Variants in METTL15 observed in about 807,000 individuals in gnomAD.
METTL15 encodes 12S rRNA N(4)-cytidine methyltransferase METTL15.
METTL15 carries 34 observed loss-of-function variants against 38.3 expected under a neutral mutation model. That is an observed-to-expected ratio of 0.89 (90% CI 0.68 to 1.18). The LOEUF is 1.18. METTL15 is among the 50% of genes most tolerant of loss of function. The probability of loss-of-function intolerance (pLI) is 0.00; values close to 1 mark genes in which losing one functional copy is unlikely to be tolerated. For synonymous variants in METTL15, 162 were observed against 170.9 expected (o/e 0.95, Z 0.41); for missense variants, 438 against 498.4 (o/e 0.88, Z 1.15).
At chr11:28,356,277 T>C (rs1039802648) in intron 4 of METTL15, among the ~76,000 whole-genome samples, 1 of 152,216 alleles carries the variant, frequency 6.6e-6, no homozygotes, top group African/African-American at 2.4e-5. Flanking sequence ...CTCCTCCCAC[T>C]GGATTTCAAG....
intron 6 of METTL15, among the ~76,000 whole-genome samples, chr11:28,424,790 T>C (rs1406358472): frequency 6.6e-6 from 1 of 152,166 alleles, no homozygotes; most frequent in Non-Finnish European, 1.5e-5. Context: ...CAAGACTTTT[T>C]GCATGGCTGG....
At chr11:28,494,455 A>G (rs1231996745) in intron 6 of METTL15, among the ~76,000 whole-genome samples, 1 of 152,054 alleles carries the variant, frequency 6.6e-6, no homozygotes, top group Non-Finnish European at 1.5e-5. Flanking sequence ...CTGGGGTCAT[A>G]TGGCTCAAGT....
intron 4 of METTL15, among the ~76,000 whole-genome samples, chr11:28,283,719 G>A (rs1305320088): frequency 6.6e-6 from 1 of 152,160 alleles, no homozygotes; most frequent in Non-Finnish European, 1.5e-5. Flanking sequence ...CCAAGGTATT[G>A]TTTGCATTCT....
chr11:28,226,769 A>G (rs950146267), intron 4 of METTL15, among the ~76,000 whole-genome samples: 1 of 152,074 alleles, frequency 6.6e-6, no homozygotes, highest in Admixed American at 6.6e-5. Context: ...TTATAAAAGA[A>G]TACATGCTCT....
chr11:28,296,327 A>C (rs570386670), intron 5 of METTL15, among the ~76,000 whole-genome samples: 13 of 152,114 alleles, frequency 8.5e-5, no homozygotes, highest in Non-Finnish European at 1.3e-4. Flanking sequence ...GATTTAGTCA[A>C]GTTCTTGAGT....
At chr11:28,517,735 GC>G (rs1851731241) in intron 6 of METTL15, among the ~76,000 whole-genome samples, 1 of 152,142 alleles carries the variant, frequency 6.6e-6, no homozygotes, top group Admixed American at 6.5e-5. Context: ...GGAATGAAAG[GC>G]GAAACAAAAC....
chr11:28,321,467 C>T (rs1849467628), intron 6 of METTL15, among the ~76,000 whole-genome samples: 1 of 152,066 alleles, frequency 6.6e-6, no homozygotes, highest in Non-Finnish European at 1.5e-5. Flanking sequence ...TATGCATAAA[C>T]ATAGTGCTTG....
rs1470602541 is a variant in METTL15 at position 28,333,094 on chromosome 11, A to C, written c.*2253A>C. ...CTCCCTCAGAGTTCCAGTAGTTGCC[A>C]ACCCTGCTAACATGGTTTTGCACAT... is the stretch of plus-strand genomic sequence containing the variant. On this transcript the variant is annotated 3_prime_UTR_variant, in exon 7 of 7. Coordinates refer to ENST00000407364, the MANE Select transcript of METTL15 (RefSeq NM_001113528.2). 6.6e-6 allele frequency: 1 copy of C among 151,562 alleles called. No individual in the cohort carries two copies. The highest frequency in any genetic ancestry group is 1.9e-4 in the East Asian group (1 of 5,164). The allele number at this position is 151,562 out of a possible 1,614,324, so 9.4% of individuals were successfully genotyped here. A position where few individuals can be genotyped will look rare whatever the true frequency, so the allele number is the denominator to read the frequency against.
intron 4 of METTL15, among the ~76,000 whole-genome samples, chr11:28,253,510 A>G (rs1044478287): frequency 6.6e-6 from 1 of 152,156 alleles, no homozygotes; most frequent in Admixed American, 6.5e-5. Context: ...GTTATTGACT[A>G]TAGTCACCCT....
chr11:28,376,968 A>G (rs1307206424), intron 5 of METTL15, among the ~76,000 whole-genome samples: 1 of 126,468 alleles, frequency 7.9e-6, no homozygotes, highest in Admixed American at 9.0e-5. Flanking sequence ...TCTTTTCTTT[A>G]AGAATGTTGA....
chr11:28,340,929 C>G (rs373310241), intron 3 of METTL15, among the ~76,000 whole-genome samples: 4 of 152,280 alleles, frequency 2.6e-5, no homozygotes, highest in African/African-American at 9.6e-5. Flanking sequence ...CCCAAATGCC[C>G]ATCAATAATA....
At chr11:28,468,411 C>T (rs988830170) in intron 6 of METTL15, among the ~76,000 whole-genome samples, 3 of 152,090 alleles carry the variant, frequency 2.0e-5, no homozygotes, top group Non-Finnish European at 2.9e-5. Flanking sequence ...AGAGAAGCTA[C>T]AAGCATGCAA....
At chr11:28,514,071 A>C (rs371826440) in intron 6 of METTL15, among the ~76,000 whole-genome samples, 55 of 152,328 alleles carry the variant, frequency 3.6e-4, no homozygotes, top group African/African-American at 1.3e-3. Context: ...AATGTGGTAG[A>C]CATTGTAATT....
intron 4 of METTL15, among the ~76,000 whole-genome samples, chr11:28,236,392 C>T (rs923477666): frequency 1.3e-5 from 2 of 152,086 alleles, no homozygotes; most frequent in African/African-American, 4.8e-5. Flanking sequence ...GTACCAGTTC[C>T]TCCTTGTACC....
intron 6 of METTL15, among the ~76,000 whole-genome samples, chr11:28,434,519 A>G (rs1162337651): frequency 6.6e-6 from 1 of 152,232 alleles, no homozygotes; most frequent in African/African-American, 2.4e-5. Flanking sequence ...AGAGATGTCC[A>G]TCTAGCTGAG....
chr11:28,209,292 A>G (rs935620347), intron 3 of METTL15, among the ~76,000 whole-genome samples: 2 of 151,986 alleles, frequency 1.3e-5, no homozygotes, highest in Admixed American at 6.6e-5. Flanking sequence ...ATGACAAGGA[A>G]GTAGTTTATG....
chr11:28,511,522 G>C (rs1851674122), intron 6 of METTL15, among the ~76,000 whole-genome samples: 1 of 152,194 alleles, frequency 6.6e-6, no homozygotes, highest in Non-Finnish European at 1.5e-5. Context: ...TCCGGAGTTT[G>C]TTCCTTCTGA....
intron 6 of METTL15, among the ~76,000 whole-genome samples, chr11:28,481,470 A>G (rs1233882059): frequency 6.6e-6 from 1 of 152,076 alleles, no homozygotes; most frequent in African/African-American, 2.4e-5. Context: ...AATTGTTCCA[A>G]TTGTTGGGGG....
At chr11:28,403,858 C>T (rs535075455) in intron 5 of METTL15, among the ~76,000 whole-genome samples, 1 of 152,092 alleles carries the variant, frequency 6.6e-6, no homozygotes, top group South Asian at 2.1e-4. Context: ...TGGGCAGGGG[C>T]TTGGGGAAGC....
Sources: gnomAD v4.1 joint callset for allele counts (sites outside exome capture counted in the v4.1 genomes callset) on GRCh38, gnomAD v4.1.1 for gene constraint, MANE v1.5 for transcripts, NCBI Gene and HGNC (gene_info 2026-07-23, HGNC 2026-07-21) for gene names.